The following RAD51B variants were observed in gnomAD, a reference collection of about 807,000 sequenced individuals.
The protein encoded by RAD51B is RAD51 paralog B.
A neutral mutation model predicts 42.2 loss-of-function variants in RAD51B; 38 were observed. The ratio of observed to expected loss-of-function variants is 0.90; its 90% CI spans 0.70 to 1.18. RAD51B has a LOEUF of 1.18. RAD51B is among the 50% of genes most tolerant of loss of function. The pLI, the probability that RAD51B is intolerant of heterozygous loss-of-function variation, is 0.00. For synonymous variants in RAD51B, 154 were observed against 145.2 expected (o/e 1.06, Z -0.43); for missense variants, 373 against 400.7 (o/e 0.93, Z 0.59).
chr14:68,595,753 T>A, exon 11 of RAD51B: 2 of 559,694 alleles, frequency 3.6e-6, no homozygotes, highest in Non-Finnish European at 4.8e-6. Flanking sequence ...GAAGAAGGCT[T>A]AATCTCATGG....
intron 7 of RAD51B, among the ~76,000 whole-genome samples, chr14:68,035,767 C>T (rs1391615273): frequency 6.6e-6 from 1 of 152,146 alleles, no homozygotes; most frequent in African/African-American, 2.4e-5. Context: ...TTTTTTAATA[C>T]TAATTTTCTA....
chr14:68,476,290 C>T (rs1246341629), intron 10 of RAD51B, among the ~76,000 whole-genome samples: 2 of 152,178 alleles, frequency 1.3e-5, no homozygotes, highest in Non-Finnish European at 2.9e-5. Context: ...ATTCCATTGT[C>T]TCTTGACAGA....
At position 68,253,600 on chromosome 14, in the gene RAD51B, A is replaced by C. The variant is rs536131836; in HGVS notation, c.757-38284A>C. ...AAATATGTCAGCATTTTTCTTTATA[A>C]TTTCTTTTAAGCAAAACACATTTCT... is the stretch of plus-strand genomic sequence containing the variant. On this transcript the variant is annotated intron_variant, in intron 7 of 10. Transcript: ENST00000471583. Among the ~76,000 whole-genome samples the C allele has an allele frequency of 2.0e-5, 3 of 152,334 alleles. No individual in the cohort carries two copies. In the South Asian group the frequency reaches 6.2e-4, roughly 32 times the overall value.
intron 10 of RAD51B, among the ~76,000 whole-genome samples, chr14:68,505,846 C>T (rs1287791368): frequency 1.3e-5 from 2 of 152,176 alleles, no homozygotes; most frequent in Non-Finnish European, 2.9e-5. Context: ...AGCGACCGCG[C>T]CCAGCCAGAT....
chr14:67,851,089 T>C (rs2041789556), intron 4 of RAD51B, among the ~76,000 whole-genome samples: 1 of 152,108 alleles, frequency 6.6e-6, no homozygotes, highest in South Asian at 2.1e-4. Context: ...GACTCCTTCT[T>C]TGGGCCTCTG....
chr14:68,551,889 C>T (rs142979350), intron 10 of RAD51B, among the ~76,000 whole-genome samples: 102 of 152,258 alleles, frequency 6.7e-4, no homozygotes, highest in African/African-American at 2.4e-3. Flanking sequence ...GCGATTTGAA[C>T]CCTTATTTGT....
At chr14:68,101,507 G>T (rs1477253188) in intron 7 of RAD51B, among the ~76,000 whole-genome samples, 1 of 152,116 alleles carries the variant, frequency 6.6e-6, no homozygotes, top group Non-Finnish European at 1.5e-5. Flanking sequence ...AAAATAAAGG[G>T]GCTACAGGCC....
chr14:67,865,137 A>T lies in RAD51B; in HGVS notation c.450A>T (p.Glu150Asp). The stretch of plus-strand genomic sequence containing the variant: ...ACACAGAGTCTGCATTTAGTGCTGA[A>T]AGGTATGAGATTTTATTTTCTATTA... ...YIDTESAFSAERLVEIAESRF... is the reference protein window; with the variant it reads ...YIDTESAFSADRLVEIAESRF... The change falls in exon 5 of 11, where the codon GAA becomes GAT. Residue 150 changes from glutamate (E) to aspartate (D), a missense_variant and splice_region_variant. Coordinates refer to ENST00000471583, the MANE Select transcript of RAD51B (RefSeq NM_133510.4). The T allele has an allele frequency of 6.3e-7, 1 of 1,591,482 alleles. No homozygotes were observed. Among genetic ancestry groups the T allele is most frequent in the Non-Finnish European group, 8.5e-7 (1 of 1,171,268 alleles).
In RAD51B at chr14:67,857,425, G is replaced by A. The variant is rs184972638; in HGVS notation, c.316-7578G>A. Among the ~76,000 whole-genome samples, 9 of 152,238 alleles carry A rather than the reference G, an allele frequency of 5.9e-5. No homozygotes were observed. The East Asian group carries it at 1.7e-3, about 29-fold the overall frequency. On this transcript the variant is annotated intron_variant, in intron 4 of 10. Transcript: ENST00000471583. ...ATCAGTACATAAAAATAATGAAGTA[G>A]GGAAAATGCCAGTTGCCCTTGTTTA...
chr14:68,585,765 G>A (rs1488109640), intron 10 of RAD51B, among the ~76,000 whole-genome samples: 1 of 152,132 alleles, frequency 6.6e-6, no homozygotes, highest in African/African-American at 2.4e-5. Flanking sequence ...CAGCAGCTCC[G>A]GAAAGACGTG....
intron 7 of RAD51B, among the ~76,000 whole-genome samples, chr14:68,265,392 T>C (rs1350500536): frequency 6.6e-6 from 1 of 152,172 alleles, no homozygotes; most frequent in Non-Finnish European, 1.5e-5. Context: ...ATGTTCAAAA[T>C]GAATGGGACA....
At chr14:67,937,929 A>G (rs1168638516) in intron 7 of RAD51B, among the ~76,000 whole-genome samples, 2 of 152,044 alleles carry the variant, frequency 1.3e-5, no homozygotes, top group Non-Finnish European at 2.9e-5. Context: ...AGGGGTTTGA[A>G]ATAGTGCACC....
intron 7 of RAD51B, among the ~76,000 whole-genome samples, chr14:68,019,894 C>T (rs2075836674): frequency 6.6e-6 from 1 of 152,188 alleles, no homozygotes; most frequent in African/African-American, 2.4e-5. Flanking sequence ...TGCCCCTTCC[C>T]TGTAAGGACA....
chr14:67,941,321 G>T (rs2045199576), intron 7 of RAD51B, among the ~76,000 whole-genome samples: 1 of 152,144 alleles, frequency 6.6e-6, no homozygotes, highest in Admixed American at 6.5e-5. Context: ...TTCACTGCTG[G>T]CCTGAGGAGA....
At chr14:68,252,909 C>T (rs148788665) in intron 7 of RAD51B, among the ~76,000 whole-genome samples, 1,578 of 152,044 alleles carry the variant, frequency 0.01, 27 homozygotes, top group African/African-American at 0.036. Flanking sequence ...GGCGAAACCC[C>T]GACTCTACTA....
chr14:68,343,679 T>C (rs72727449), intron 8 of RAD51B, among the ~76,000 whole-genome samples: 2,644 of 152,282 alleles, frequency 0.017, 36 homozygotes, highest in Non-Finnish European at 0.026. Flanking sequence ...TCCAAGACAA[T>C]GGGGAAAAGG....
intron 7 of RAD51B, among the ~76,000 whole-genome samples, chr14:68,079,526 TTTA>T (rs1211434012): frequency 6.6e-6 from 1 of 152,206 alleles, no homozygotes; most frequent in Non-Finnish European, 1.5e-5. Context: ...TATTTTTCCC[TTTA>T]TTATTAGTTG....
At chr14:68,654,429 G>A (rs984255232) in intron 11 of RAD51B, among the ~76,000 whole-genome samples, 1 of 152,158 alleles carries the variant, frequency 6.6e-6, no homozygotes, top group African/African-American at 2.4e-5. Flanking sequence ...GATGTCTGGT[G>A]GACAGAACCC....
chr14:68,070,675 C>T (rs565741737), intron 7 of RAD51B, among the ~76,000 whole-genome samples: 45 of 152,126 alleles, frequency 3.0e-4, no homozygotes, highest in Non-Finnish European at 5.3e-4. Context: ...GTTTTAGTTA[C>T]TGTAGCCTTG....
Sources: gnomAD v4.1 joint callset for allele counts (sites outside exome capture counted in the v4.1 genomes callset) on GRCh38, gnomAD v4.1.1 for gene constraint, MANE v1.5 for transcripts, NCBI Gene and HGNC (gene_info 2026-07-23, HGNC 2026-07-21) for gene names.